Variants in ATG10 observed in about 807,000 individuals in gnomAD.
ATG10 encodes the protein autophagy related 10, also known as ubiquitin-like-conjugating enzyme ATG10.
A neutral mutation model predicts 32.1 loss-of-function variants in ATG10; 30 were observed. That is an observed-to-expected ratio of 0.94 (90% confidence interval 0.70 to 1.27). ATG10 has a LOEUF of 1.27. Among genes scored for constraint, ATG10 ranks in the 50% most tolerant of loss-of-function variants. The probability of loss-of-function intolerance (pLI) is 0.00; values close to 1 mark genes in which losing one functional copy is unlikely to be tolerated. For missense variants in ATG10, 233 were observed against 262.3 expected (o/e 0.89, Z 0.77); for synonymous variants, 87 against 91.5 (o/e 0.95, Z 0.28).
At chr5:82,137,626 G>T (rs1766818614) in intron 3 of ATG10, among the ~76,000 whole-genome samples, 1 of 152,184 alleles carries the variant, frequency 6.6e-6, no homozygotes, top group African/African-American at 2.4e-5. Flanking sequence ...GCCAGCCAGA[G>T]CTCTCCTGTA....
At chr5:82,008,876 A>G (rs983152173) in intron 2 of ATG10, among the ~76,000 whole-genome samples, 2 of 152,244 alleles carry the variant, frequency 1.3e-5, no homozygotes, top group Admixed American at 1.3e-4. Flanking sequence ...ACATTTATAT[A>G]TGATTGGATG....
chr5:82,018,126 T>G (rs1161526951), intron 2 of ATG10, among the ~76,000 whole-genome samples: 2 of 152,192 alleles, frequency 1.3e-5, no homozygotes, highest in Non-Finnish European at 2.9e-5. Context: ...GAAGCTAACA[T>G]GTCCAGAATT....
At chr5:82,015,585 C>T (rs866988628) in intron 2 of ATG10, among the ~76,000 whole-genome samples, 1 of 152,112 alleles carries the variant, frequency 6.6e-6, no homozygotes, top group South Asian at 2.1e-4. Flanking sequence ...TTTGATCTTC[C>T]ATCACTGATA....
chr5:82,195,164 C>T (rs1305683251), intron 5 of ATG10, among the ~76,000 whole-genome samples: 1 of 152,156 alleles, frequency 6.6e-6, no homozygotes, highest in African/African-American at 2.4e-5. Flanking sequence ...ATGCACAAGC[C>T]TGAGCTCTCT....
At chr5:82,029,300 G>C (rs1393760153) in intron 2 of ATG10, among the ~76,000 whole-genome samples, 5 of 147,228 alleles carry the variant, frequency 3.4e-5, no homozygotes, top group Admixed American at 2.9e-4. Context: ...AATGGGGATT[G>C]AATGTAATAA....
chr5:82,091,646 C>T (rs898423221), intron 3 of ATG10, among the ~76,000 whole-genome samples: 1 of 152,106 alleles, frequency 6.6e-6, no homozygotes, highest in Non-Finnish European at 1.5e-5. Context: ...CTGTAAAGGA[C>T]CAAAACTCCC....
intron 5 of ATG10, among the ~76,000 whole-genome samples, chr5:82,238,759 T>A (rs1561373600): frequency 6.6e-6 from 1 of 152,136 alleles, no homozygotes; most frequent in Non-Finnish European, 1.5e-5. Context: ...ACTGAATGCA[T>A]AAGTAAAAAA....
chr5:82,053,560 A>G (rs781413944), intron 2 of ATG10, among the ~76,000 whole-genome samples: 22 of 152,002 alleles, frequency 1.4e-4, no homozygotes, highest in Admixed American at 2.6e-4. Context: ...TTCATCTAGC[A>G]TATTTGGGGT....
At chr5:82,045,192 G>A (rs1763198070) in intron 2 of ATG10, among the ~76,000 whole-genome samples, 1 of 152,172 alleles carries the variant, frequency 6.6e-6, no homozygotes, top group African/African-American at 2.4e-5. Flanking sequence ...GTTGTTTAAT[G>A]TGGGAGGGTA....
chr5:82,110,609 T>A (rs1414951331), intron 3 of ATG10, among the ~76,000 whole-genome samples: 1 of 152,226 alleles, frequency 6.6e-6, no homozygotes, highest in African/African-American at 2.4e-5. Context: ...TTTTGAGAAA[T>A]GTCTGTTCAT....
intron 2 of ATG10, among the ~76,000 whole-genome samples, chr5:82,004,928 T>C (rs1761949679): frequency 6.6e-6 from 1 of 152,192 alleles, no homozygotes; most frequent in South Asian, 2.1e-4. Flanking sequence ...TGAGTAGCAC[T>C]ACCCTAGATT....
At chr5:82,229,325 G>C (rs1266851552) in intron 5 of ATG10, among the ~76,000 whole-genome samples, 1 of 152,168 alleles carries the variant, frequency 6.6e-6, no homozygotes, top group Non-Finnish European at 1.5e-5. Context: ...TGCTAGAAAG[G>C]AACTATTTTC....
At chr5:82,126,757 C>T (rs1008276497) in intron 3 of ATG10, among the ~76,000 whole-genome samples, 1 of 152,020 alleles carries the variant, frequency 6.6e-6, no homozygotes, top group East Asian at 1.9e-4. Context: ...TCTGTTGTGT[C>T]TCCGCCAGGT....
intron 3 of ATG10, among the ~76,000 whole-genome samples, chr5:82,139,689 C>A (rs1766974674): frequency 6.8e-6 from 1 of 147,060 alleles, no homozygotes. Context: ...CGCCCGGCAG[C>A]CACCCCGTCC....
At chr5:81,992,479 A>G (rs901574043) in intron 2 of ATG10, 2 of 151,516 alleles carry the variant, frequency 1.3e-5, no homozygotes, top group African/African-American at 2.4e-5. Flanking sequence ...CTGGCTCGCC[A>G]CAACCTCTGC....
intron 2 of ATG10, among the ~76,000 whole-genome samples, chr5:82,012,293 A>G (rs1031059537): frequency 6.6e-6 from 1 of 152,212 alleles, no homozygotes; most frequent in Non-Finnish European, 1.5e-5. Context: ...AATTTTGTTC[A>G]GTTTCAAAGT....
chr5:82,183,394 AT>A (rs35175685), intron 5 of ATG10, among the ~76,000 whole-genome samples: 22,208 of 147,426 alleles, frequency 0.15, 2,101 homozygotes, highest in East Asian at 0.36. Flanking sequence ...TGCAGTCTTG[AT>A]TTTTTTTTTC....
At chr5:82,208,589 A>G (rs141841412) in intron 5 of ATG10, among the ~76,000 whole-genome samples, 180 of 152,284 alleles carry the variant, frequency 1.2e-3, no homozygotes, top group Admixed American at 3.1e-3. Context: ...GGATATGGGT[A>G]TTCTTATCTC....
chr5:82,169,226 A>G (rs1466948556), intron 4 of ATG10, among the ~76,000 whole-genome samples: 1 of 151,988 alleles, frequency 6.6e-6, no homozygotes, highest in African/African-American at 2.4e-5. Context: ...AAAGAGTTTG[A>G]GCAGAAGTGA....
Sources: allele counts gnomAD v4.1 joint callset (sites outside exome capture counted in the v4.1 genomes callset), GRCh38; gene constraint gnomAD v4.1.1; transcripts MANE v1.5; gene names NCBI Gene and HGNC (gene_info 2026-07-23, HGNC 2026-07-21).